The following CCSER1 variants were observed in gnomAD, a reference collection of about 807,000 sequenced individuals.
The protein encoded by CCSER1 is serine-rich coiled-coil domain-containing protein 1.
Under a neutral mutation model 82.0 loss-of-function variants are expected in CCSER1, and 41 were observed. The observed-to-expected ratio is 0.50, with a 90% CI of 0.39 to 0.65. The LOEUF (loss-of-function observed/expected upper bound fraction) is 0.65, where lower values mean the gene tolerates loss of function less well. CCSER1 is among the 30% of genes least tolerant of loss of function. The probability of loss-of-function intolerance (pLI) is 0.00; values close to 1 mark genes in which losing one functional copy is unlikely to be tolerated. For missense variants in CCSER1, 1,119 were observed against 1,064.2 expected, an observed-to-expected ratio of 1.05 and a Z score of -0.72; for synonymous variants, 414 against 383.9, an observed-to-expected ratio of 1.08 and a Z score of -0.92.
At chr4:91,430,326 T>C (rs960933842) in intron 10 of CCSER1, among the ~76,000 whole-genome samples, 1 of 152,186 alleles carries the variant, frequency 6.6e-6, no homozygotes, top group Non-Finnish European at 1.5e-5. Flanking sequence ...ACAGTTTTTA[T>C]TGCATAGGGT....
chr4:90,415,306 G>T (rs992327640), intron 4 of CCSER1, among the ~76,000 whole-genome samples: 5 of 152,318 alleles, frequency 3.3e-5, no homozygotes, highest in Non-Finnish European at 5.9e-5. Context: ...CATGCTGCCA[G>T]TTCAGTATTA....
At chr4:91,549,059 CT>C (rs932683817) in intron 10 of CCSER1, among the ~76,000 whole-genome samples, 4 of 151,838 alleles carry the variant, frequency 2.6e-5, no homozygotes, top group Non-Finnish European at 5.9e-5. Flanking sequence ...GTTTTTCAGC[CT>C]TTTTTTCTGT....
At chr4:90,497,862 A>G (rs535488524) in intron 5 of CCSER1, among the ~76,000 whole-genome samples, 6 of 152,180 alleles carry the variant, frequency 3.9e-5, no homozygotes, top group African/African-American at 1.4e-4. Context: ...TGTCTCCTAA[A>G]TCTGGCATCA....
At chr4:90,271,956 G>T (rs749016200) in intron 1 of CCSER1, among the ~76,000 whole-genome samples, 36 of 143,844 alleles carry the variant, frequency 2.5e-4, no homozygotes, top group Admixed American at 4.3e-4. Context: ...TTACAATCAT[G>T]GCAGAACGGA....
In CCSER1 at chr4:90,186,221, T is replaced by A. The variant is rs1488665739; in HGVS notation, c.-42+58390T>A. 3.9e-5 allele frequency among the ~76,000 whole-genome samples: 6 copies of A among 152,064 alleles called. No homozygotes were observed. The East Asian group carries it at 5.8e-4, about 15-fold the overall frequency. Reference sequence around the variant, plus strand: ...CTCTAGGTCCCAGGCACATTACATATTTTTATGTGTCCCTTCTCTCATAAA... The same window carrying A: ...CTCTAGGTCCCAGGCACATTACATAATTTTATGTGTCCCTTCTCTCATAAA... On this transcript the variant is annotated intron_variant, in intron 1 of 10. Transcript: ENST00000509176.
At chr4:90,318,752 C>T (rs1252584287) in intron 3 of CCSER1, among the ~76,000 whole-genome samples, 1 of 152,112 alleles carries the variant, frequency 6.6e-6, no homozygotes, top group African/African-American at 2.4e-5. Flanking sequence ...CATTTATTAG[C>T]TTATCCTTTA....
chr4:91,526,392 G>C (rs1760765648), intron 10 of CCSER1, among the ~76,000 whole-genome samples: 1 of 152,096 alleles, frequency 6.6e-6, no homozygotes, highest in African/African-American at 2.4e-5. Flanking sequence ...AAATGTATTT[G>C]ATTAAAGTCT....
At chr4:90,416,505 T>C (rs1755813032) in intron 4 of CCSER1, among the ~76,000 whole-genome samples, 1 of 152,212 alleles carries the variant, frequency 6.6e-6, no homozygotes, top group South Asian at 2.1e-4. Context: ...ACAATAATTA[T>C]GTCTGTCTCA....
At chr4:91,077,549 A>G (rs1722133594) in intron 9 of CCSER1, among the ~76,000 whole-genome samples, 1 of 152,218 alleles carries the variant, frequency 6.6e-6, no homozygotes, top group Non-Finnish European at 1.5e-5. Flanking sequence ...TGAATGACGA[A>G]GAAGACGGGT....
rs890232468 is a variant in CCSER1, at chr4:90,929,279, A to G, written c.2172+5832A>G. ...TAATTTTTTATAATTCTAAAAATTT[A>G]TAACAAATTAATATGCATTGTTTCA... On this transcript the variant is annotated intron_variant, in intron 9 of 10. Coordinates refer to ENST00000509176, the MANE Select transcript of CCSER1 (RefSeq NM_001145065.2). Among the ~76,000 whole-genome samples the G allele has an allele frequency of 2.6e-5, 4 of 152,200 alleles. 1 individual carries two copies. In the East Asian group the frequency reaches 5.8e-4, roughly 22 times the overall value.
intron 4 of CCSER1, among the ~76,000 whole-genome samples, chr4:90,450,296 T>C: frequency 6.6e-6 from 1 of 152,132 alleles, no homozygotes; most frequent in East Asian, 1.9e-4. Context: ...ATAACACAAA[T>C]AAGAAGTAAA....
intron 9 of CCSER1, among the ~76,000 whole-genome samples, chr4:91,023,936 T>C (rs1740250014): frequency 6.6e-6 from 1 of 152,210 alleles, no homozygotes; most frequent in Non-Finnish European, 1.5e-5. Context: ...CTGGGTAATT[T>C]ATAAGAGACA....
At chr4:91,139,452 A>G (rs1728817087) in intron 10 of CCSER1, among the ~76,000 whole-genome samples, 1 of 152,170 alleles carries the variant, frequency 6.6e-6, no homozygotes, top group African/African-American at 2.4e-5. Context: ...AAGAGGCTTT[A>G]TTATTTCTAA....
chr4:90,876,179 A>C (rs1767182471), intron 8 of CCSER1, among the ~76,000 whole-genome samples: 1 of 152,036 alleles, frequency 6.6e-6, no homozygotes, highest in African/African-American at 2.4e-5. Flanking sequence ...AAGACCAGAA[A>C]AGCTGTCTTT....
chr4:90,418,957 TATC>T (rs1400903515), intron 4 of CCSER1, among the ~76,000 whole-genome samples: 1 of 152,026 alleles, frequency 6.6e-6, no homozygotes, highest in Non-Finnish European at 1.5e-5. Flanking sequence ...CAGAAAGTGT[TATC>T]ATTCTCTCTT....
At chr4:91,386,796 T>A (rs530047052) in intron 10 of CCSER1, among the ~76,000 whole-genome samples, 1 of 152,164 alleles carries the variant, frequency 6.6e-6, no homozygotes, top group African/African-American at 2.4e-5. Flanking sequence ...TACATGTATA[T>A]ATAGCCTGCA....
chr4:91,088,238 CT>C (rs879921275), intron 10 of CCSER1, among the ~76,000 whole-genome samples: 10 of 152,014 alleles, frequency 6.6e-5, no homozygotes, highest in Non-Finnish European at 1.3e-4. Context: ...GAATTAATTT[CT>C]TAGTTCAAAT....
At chr4:91,173,585 C>A (rs1460654227) in intron 10 of CCSER1, among the ~76,000 whole-genome samples, 50 of 113,500 alleles carry the variant, frequency 4.4e-4, no homozygotes, top group Non-Finnish European at 7.0e-5. Flanking sequence ...CAGAGTGAGA[C>A]TCCGTCTCAA....
At chr4:90,510,070 A>AGAAATGAGCACAG (rs1370857838) in intron 5 of CCSER1, among the ~76,000 whole-genome samples, 1 of 152,188 alleles carries the variant, frequency 6.6e-6, no homozygotes, top group Non-Finnish European at 1.5e-5. Context: ...TTCTCCTTAG[A>AGAAATGAGCACAG]TGTGCTCATT....
Sources: allele counts gnomAD v4.1 joint callset (sites outside exome capture counted in the v4.1 genomes callset), GRCh38; gene constraint gnomAD v4.1.1; transcripts MANE v1.5; gene names NCBI Gene and HGNC (gene_info 2026-07-23, HGNC 2026-07-21).